Variants in PXMP2 observed in about 807,000 individuals in gnomAD.
PXMP2 encodes the protein 22 kDa peroxisomal membrane protein.
PXMP2 carries 13 observed loss-of-function variants against 20.2 expected under a neutral mutation model. The ratio of observed to expected loss-of-function variants is 0.64; its 90% CI spans 0.42 to 1.02. The LOEUF is 1.02. Ranked by LOEUF, PXMP2 falls within the 50% of genes least tolerant of loss-of-function variation. PXMP2 has a pLI of 0.00. For synonymous variants in PXMP2, 113 were observed against 111.2 expected, an observed-to-expected ratio of 1.02 and a Z score of -0.10; for missense variants, 284 against 251.8, an observed-to-expected ratio of 1.13 and a Z score of -0.87.
intron 1 of PXMP2, among the ~76,000 whole-genome samples, chr12:132,689,635 G>A (rs1193347256): frequency 6.6e-6 from 1 of 152,148 alleles, no homozygotes; most frequent in African/African-American, 2.4e-5. Flanking sequence ...TTCTCAGAAG[G>A]CAAATACAAA....
In PXMP2 at chr12:132,696,523, C is replaced by A. The variant is rs1318091083; in HGVS notation, c.399+477C>A. On this transcript the variant is annotated intron_variant, in intron 3 of 4. Transcript: ENST00000317479. This position sits in a 1 kb window ranked among gnomAD's most constrained non-coding sequence, Gnocchi z 4.4. ...TGTGTAAAGAAAGAAACAGGCCGGG[C>A]ACAGTGGCTCACACCTGTAATCCCA... Among the ~76,000 whole-genome samples the A allele has an allele frequency of 6.6e-6, 1 of 152,166 alleles. No individual in the cohort carries two copies. The highest frequency in any genetic ancestry group is 1.5e-5 in the Non-Finnish European group (1 of 68,028).
chr12:132,701,476 CTCT>C (rs1489293066), intron 4 of PXMP2, 107 bp downstream of exon 4: 2 of 1,371,146 alleles, frequency 1.5e-6, no homozygotes, highest in African/African-American at 1.7e-5. Context: ...CTTTTCTCTT[CTCT>C]TCTTTCTTTG....
intron 2 of PXMP2, 83 bp from the exon 3 acceptor site, chr12:132,695,801 C>G (rs2043406608): frequency 1.4e-6 from 2 of 1,433,490 alleles, no homozygotes; most frequent in Non-Finnish European, 9.5e-7. Flanking sequence ...GGGGTTAGGA[C>G]CTGGGATTTG....
intron 1 of PXMP2, 135 bp downstream of exon 1, chr12:132,687,927 C>G: frequency 1.1e-6 from 1 of 886,854 alleles, no homozygotes; most frequent in Non-Finnish European, 1.4e-6. Flanking sequence ...CGGGCGCCCT[C>G]CGACCCGGCG....
Position 132,696,162 on chromosome 12 carries a change from G to T in PXMP2, c.399+116G>T. The T allele has an allele frequency of 7.8e-7, 1 of 1,278,774 alleles. No homozygotes were observed. Among genetic ancestry groups the T allele is most frequent in the Non-Finnish European group, 1.1e-6 (1 of 947,108 alleles). 79.2% of individuals were successfully genotyped at this position (1,278,774 alleles called of 1,614,324 possible). A position where few individuals can be genotyped will look rare whatever the true frequency, so the allele number is the denominator to read the frequency against. ...GATTTTTCACTCAAATTGAAATTTT[G>T]CATTTTCTTTTATGAATATAGGAAG... On this transcript the variant is annotated intron_variant, in intron 3 of 4. Coordinates refer to ENST00000317479, the MANE Select transcript of PXMP2 (RefSeq NM_018663.3). The surrounding 1 kb of genome is among the most constrained non-coding windows in gnomAD (Gnocchi z 4.4).
At chr12:132,701,745 A>G in intron 4 of PXMP2, 1 of 263,652 alleles carries the variant, frequency 3.8e-6, no homozygotes. Flanking sequence ...ACTTGAATCT[A>G]TGCTCCTGGG....
rs1228540104 is a variant in PXMP2, at chr12:132,696,589, G to T, written c.399+543G>T. ...GAGGCGGGTGGATCACCTGAGGTCA[G>T]GAGTTCGAGACCAGCCTGGCCAACA... On this transcript the variant is annotated intron_variant, in intron 3 of 4. Transcript: ENST00000317479. The surrounding 1 kb of genome is among the most constrained non-coding windows in gnomAD (Gnocchi z 4.4). Among the ~76,000 whole-genome samples the T allele has an allele frequency of 6.6e-6, 1 of 152,094 alleles. No homozygotes were observed. The highest frequency in any genetic ancestry group is 1.9e-4 in the East Asian group (1 of 5,172).
At chr12:132,695,793 G>C in intron 2 of PXMP2, 91 bp from the exon 3 acceptor site, 2 of 1,380,394 alleles carry the variant, frequency 1.4e-6, no homozygotes, top group Non-Finnish European at 2.0e-6. Context: ...AGGAAGCAGG[G>C]GTTAGGACCT....
At chr12:132,697,471 G>A (rs111946686) in intron 3 of PXMP2, among the ~76,000 whole-genome samples, 1,807 of 151,222 alleles carry the variant, frequency 0.012, 37 homozygotes, top group African/African-American at 0.04. Context: ...GCAGTGGTGC[G>A]ATTTCAGCTC....
intron 4 of PXMP2, among the ~76,000 whole-genome samples, chr12:132,702,044 T>A (rs1331076084): frequency 6.6e-6 from 1 of 152,180 alleles, no homozygotes; most frequent in Non-Finnish European, 1.5e-5. Context: ...GAGCTGAGAT[T>A]GTGCCACTGC....
rs115046516 is a variant in PXMP2 at position 132,690,857 on chromosome 12, A to C, written c.236+481A>C. Among the ~76,000 whole-genome samples the C allele has an allele frequency of 8.6e-3, 1,311 of 151,784 alleles. 23 individuals are homozygous for C. The highest frequency in any genetic ancestry group is 0.03 in the African/African-American group (1,247 of 41,386). The stretch of plus-strand genomic sequence containing the variant: ...AGTACAGGCTCACATTTGTGGTTTT[A>C]TCATGTTTCTTTTTAATTGGATGGG... On this transcript the variant is annotated intron_variant, in intron 2 of 4. Coordinates refer to ENST00000317479, the MANE Select transcript of PXMP2 (RefSeq NM_018663.3).
In PXMP2 at chr12:132,696,065, A is replaced by C; in HGVS notation, c.399+19A>C. On this transcript the variant is annotated intron_variant, in intron 3 of 4. Coordinates refer to ENST00000317479, the MANE Select transcript of PXMP2 (RefSeq NM_018663.3). The surrounding 1 kb of genome is among the most constrained non-coding windows in gnomAD (Gnocchi z 4.4). ...TCTGGAGGTGGGTGTCTGCCACAGC[A>C]CTTACTGCAGCTCTTCGTTTAGCAC... 6.3e-7 allele frequency: 1 copy of C among 1,583,852 alleles called. No individual in the cohort carries two copies. The highest frequency in any genetic ancestry group is 8.6e-7 in the Non-Finnish European group (1 of 1,160,438).
intron 3 of PXMP2, 110 bp from the exon 4 acceptor site, chr12:132,701,140 G>C: frequency 1.3e-6 from 2 of 1,493,428 alleles, no homozygotes; most frequent in Non-Finnish European, 1.8e-6. Flanking sequence ...CGTACACACA[G>C]AACAAAATCC....
chr12:132,701,415 C>A (rs1466706973), intron 4 of PXMP2, 46 bp downstream of exon 4: 3 of 1,600,138 alleles, frequency 1.9e-6, no homozygotes, highest in Admixed American at 3.4e-5. Context: ...CTTTGTCAGC[C>A]TTTTCCTTCC....
At chr12:132,691,152 C>T (rs1400355839) in intron 2 of PXMP2, among the ~76,000 whole-genome samples, 2 of 151,328 alleles carry the variant, frequency 1.3e-5, no homozygotes, top group African/African-American at 2.4e-5. Flanking sequence ...CCTGGGTTCA[C>T]GCCATTCTCC....
intron 1 of PXMP2, 147 bp downstream of exon 1, chr12:132,687,939 T>C (rs962875264): frequency 3.8e-6 from 3 of 786,680 alleles, no homozygotes; most frequent in Admixed American, 5.4e-5. Flanking sequence ...GACCCGGCGC[T>C]GAACTTCCCG....
At chr12:132,693,667 G>C (rs75546460) in intron 2 of PXMP2, among the ~76,000 whole-genome samples, 4 of 117,150 alleles carry the variant, frequency 3.4e-5, no homozygotes, top group Admixed American at 8.2e-5. Context: ...TTGCCAGTTA[G>C]TTAGTGAGCG....
Position 132,696,564 on chromosome 12 carries a change from G to A in PXMP2, c.399+518G>A, listed in dbSNP as rs558045490. On this transcript the variant is annotated intron_variant, in intron 3 of 4. Coordinates refer to ENST00000317479, the MANE Select transcript of PXMP2 (RefSeq NM_018663.3). The surrounding 1 kb of genome is among the most constrained non-coding windows in gnomAD (Gnocchi z 4.4). ...TGTAATCCCAGCACTTTGGGAGGGC[G>A]AGGCGGGTGGATCACCTGAGGTCAG... Among the ~76,000 whole-genome samples the A allele has an allele frequency of 9.2e-4, 140 of 151,894 alleles. No individual in the cohort carries two copies. Among genetic ancestry groups the A allele is most frequent in the African/African-American group, 3.1e-3 (129 of 41,442 alleles).
chr12:132,697,561 C>T (rs2043417298), intron 3 of PXMP2, among the ~76,000 whole-genome samples: 1 of 151,926 alleles, frequency 6.6e-6, no homozygotes, highest in Non-Finnish European at 1.5e-5. Flanking sequence ...GAGCCCGCTA[C>T]CACACCCAGC....
Sources: allele counts gnomAD v4.1 joint callset (sites outside exome capture counted in the v4.1 genomes callset), GRCh38; gene constraint gnomAD v4.1.1; non-coding constraint Gnocchi (gnomAD v3.1); transcripts MANE v1.5; gene names NCBI Gene and HGNC (gene_info 2026-07-23, HGNC 2026-07-21).